ATP5PB: variants seen among roughly 807,000 people sequenced by gnomAD.
ATP5PB encodes the protein ATP synthase peripheral stalk-membrane subunit b.
A neutral mutation model predicts 34.5 loss-of-function variants in ATP5PB; 21 were observed. That is an observed-to-expected ratio of 0.61 (90% CI 0.43 to 0.88). The LOEUF (loss-of-function observed/expected upper bound fraction) is 0.88. Ranked by LOEUF, ATP5PB falls within the 40% of genes least tolerant of loss-of-function variation. ATP5PB has a pLI of 0.00. For synonymous variants in ATP5PB, 108 were observed against 114.1 expected (o/e 0.95, Z 0.34); for missense variants, 293 against 317.4 (o/e 0.92, Z 0.58).
In ATP5PB at chr1:111,461,118, A is replaced by G. The variant is rs1352803180; in HGVS notation, c.*124A>G. Reference sequence around the variant, plus strand: ...TATAGTTTACCCTTCCTAAAAATGAAAAGTTTGTTTCATATAGTGAGAGAA... The same window carrying G: ...TATAGTTTACCCTTCCTAAAAATGAGAAGTTTGTTTCATATAGTGAGAGAA... On this transcript the variant is annotated 3_prime_UTR_variant, in exon 7 of 7. Transcript: ENST00000369722. 6 of 893,252 alleles carry G rather than the reference A, an allele frequency of 6.7e-6. No individual in the cohort carries two copies. Among genetic ancestry groups the G allele is most frequent in the African/African-American group, 1.7e-5 (1 of 58,734 alleles). 55.3% of individuals were successfully genotyped at this position (893,252 alleles called of 1,614,324 possible).
chr1:111,452,119 C>CA (rs112587127), intron 2 of ATP5PB, among the ~76,000 whole-genome samples: 2,372 of 109,516 alleles, frequency 0.022, 22 homozygotes, highest in Admixed American at 0.031. Flanking sequence ...GACTTTGTCT[C>CA]AAAAAAAAAA....
chr1:111,453,881 CT>C (rs1270081730), intron 2 of ATP5PB, among the ~76,000 whole-genome samples: 2 of 152,326 alleles, frequency 1.3e-5, no homozygotes, highest in East Asian at 3.9e-4. Context: ...AGGATTTGAA[CT>C]CAAGATGCCT....
Position 111,460,948 on chromosome 1 carries a change from A to AC in ATP5PB, c.727dup (p.Leu243ProfsTer28). 6.2e-7 allele frequency: 1 copy of AC among 1,613,326 alleles called. No homozygotes were observed. The highest frequency in any genetic ancestry group is 8.5e-7 in the Non-Finnish European group (1 of 1,179,806). On this transcript the variant is annotated frameshift_variant, in exon 7 of 7. Coordinates refer to ENST00000369722, the MANE Select transcript of ATP5PB (RefSeq NM_001688.5). LOFTEE classifies it high-confidence loss of function. The stretch of plus-strand genomic sequence containing the variant: ...GAGACAATTGCCAAGTGCATTGCGG[A>AC]CCTAAAGCTGCTGGCAAAGAAGGCT...
At chr1:111,456,344 A>G in intron 4 of ATP5PB, 95 bp downstream of exon 4, 3 of 1,289,718 alleles carry the variant, frequency 2.3e-6, no homozygotes, top group Non-Finnish European at 1.0e-6. Flanking sequence ...GGAGCAACAT[A>G]TAGAAATGAA....
rs541108521 is a variant in ATP5PB, at chr1:111,462,201, G to A, written c.*1207G>A. Reference sequence around the variant, plus strand: ...GCTAAAACATAGAAGCAGCCCAATCGGCCATCAGTAGATGAATGGATAAGC... The same window carrying A: ...GCTAAAACATAGAAGCAGCCCAATCAGCCATCAGTAGATGAATGGATAAGC... On this transcript the variant is annotated 3_prime_UTR_variant, in exon 7 of 7. Transcript: ENST00000369722. 3 of 152,270 alleles carry A rather than the reference G, an allele frequency of 2.0e-5. No homozygotes were observed. The highest frequency in any genetic ancestry group is 6.5e-5 in the Admixed American group (1 of 15,306). 9.4% of individuals were successfully genotyped at this position (152,270 alleles called of 1,614,324 possible).
At chr1:111,449,733 G>A (rs1248902212) in intron 1 of ATP5PB, 104 bp from the exon 2 acceptor site, 1 of 1,582,488 alleles carries the variant, frequency 6.3e-7, no homozygotes, top group South Asian at 1.1e-5. Flanking sequence ...TTGAGGGACG[G>A]GAAAGAGGGG....
chr1:111,451,511 G>C (rs1019213301), intron 2 of ATP5PB, among the ~76,000 whole-genome samples: 1 of 152,174 alleles, frequency 6.6e-6, no homozygotes, highest in Non-Finnish European at 1.5e-5. Context: ...TTGAAGGCTG[G>C]AGCTTTGTTC....
chr1:111,457,340 C>A (rs1470673216), intron 5 of ATP5PB, among the ~76,000 whole-genome samples: 3 of 151,826 alleles, frequency 2.0e-5, no homozygotes, highest in Admixed American at 6.5e-5. Context: ...CACACACACA[C>A]AAACAACAAA....
At chr1:111,459,323 C>T (rs1653554850) in intron 5 of ATP5PB, 134 bp from the exon 6 acceptor site, 2 of 796,668 alleles carry the variant, frequency 2.5e-6, no homozygotes, top group African/African-American at 1.8e-5. Context: ...TTTCTAGGTA[C>T]ATATTACCTA....
At chr1:111,457,312 A>ACACACACAC (rs1653500621) in intron 5 of ATP5PB, among the ~76,000 whole-genome samples, 2 of 146,718 alleles carry the variant, frequency 1.4e-5, no homozygotes, top group African/African-American at 5.1e-5. Flanking sequence ...GACTCTCTCA[A>ACACACACAC]ACACACACAC....
chr1:111,461,431 T>G lies in ATP5PB; in HGVS notation c.*437T>G, dbSNP rs1369479351. 6.0e-6 allele frequency: 1 copy of G among 167,508 alleles called. No individual in the cohort carries two copies. Among genetic ancestry groups the G allele is most frequent in the Non-Finnish European group, 1.3e-5 (1 of 77,062 alleles). 10.4% of individuals were successfully genotyped at this position (167,508 alleles called of 1,614,324 possible). On this transcript the variant is annotated 3_prime_UTR_variant, in exon 7 of 7. Coordinates refer to ENST00000369722, the MANE Select transcript of ATP5PB (RefSeq NM_001688.5). The stretch of plus-strand genomic sequence containing the variant: ...AACTACTGTCTTGTTTATGAGACCA[T>G]TCAGTGGTGAACTGTTTCTGGCTGA...
chr1:111,455,669 G>C (rs542182290), intron 3 of ATP5PB, among the ~76,000 whole-genome samples: 1 of 152,068 alleles, frequency 6.6e-6, no homozygotes, highest in South Asian at 2.1e-4. Flanking sequence ...AATTTTATCC[G>C]GTCTAGTGTC....
intron 4 of ATP5PB, 58 bp downstream of exon 4, chr1:111,456,307 A>C: frequency 6.8e-7 from 1 of 1,469,274 alleles, no homozygotes; most frequent in Non-Finnish European, 9.1e-7. Context: ...AAGGTCATCT[A>C]GTGATATTTT....
At chr1:111,460,490 T>G (rs1653590559) in intron 6 of ATP5PB, among the ~76,000 whole-genome samples, 1 of 151,828 alleles carries the variant, frequency 6.6e-6, no homozygotes, top group Non-Finnish European at 1.5e-5. Flanking sequence ...TATGCTTACT[T>G]AAGAAACTTA....
rs1227055234 is a variant in ATP5PB at position 111,461,892 on chromosome 1, C to T, written c.*898C>T. On this transcript the variant is annotated 3_prime_UTR_variant, in exon 7 of 7. Transcript: ENST00000369722. ...CTCCAGCCTGGGCAACAGACCTCGA[C>T]TCCATCTAGAAAAAAAAAAAAAAAA... The T allele has an allele frequency of 1.4e-5, 2 of 143,554 alleles. No individual in the cohort carries two copies. Among genetic ancestry groups the T allele is most frequent in the Non-Finnish European group, 3.0e-5 (2 of 65,750 alleles). 8.9% of individuals were successfully genotyped at this position (143,554 alleles called of 1,614,324 possible). A position where few individuals can be genotyped will look rare whatever the true frequency, so the allele number is the denominator to read the frequency against.
Position 111,462,314 on chromosome 1 carries a change from G to A in ATP5PB, c.*1320G>A, listed in dbSNP as rs1419036769. 6.6e-6 allele frequency: 1 copy of A among 152,212 alleles called. No individual in the cohort carries two copies. The highest frequency in any genetic ancestry group is 2.1e-4 in the South Asian group (1 of 4,828). 9.4% of individuals were successfully genotyped at this position (152,212 alleles called of 1,614,324 possible). A position where few individuals can be genotyped will look rare whatever the true frequency, so the allele number is the denominator to read the frequency against. On this transcript the variant is annotated 3_prime_UTR_variant, in exon 7 of 7. Transcript: ENST00000369722. ...GGCTACAGCATGAATGAACCTTGAG[G>A]ACGTTATGCAGTTTTACAGGATGAG...
At position 111,460,925 on chromosome 1, in the gene ATP5PB, G is replaced by A. The variant is rs776244761; in HGVS notation, c.702G>A (p.Glu234=). The A allele has an allele frequency of 5.6e-6, 9 of 1,613,616 alleles. No homozygotes were observed. In the South Asian group the frequency reaches 8.8e-5, roughly 16 times the overall value. ...CTCTTTCCTTATCACAGGAAAAGGA[G>A]ACAATTGCCAAGTGCATTGCGGACC... The part of the protein sequence containing the change: ...VQSISTQQEK[E]TIAKCIADLK... The change falls in exon 7 of 7, where the codon GAG becomes GAA. Residue 234 remains glutamate, a synonymous_variant. Coordinates refer to ENST00000369722, the MANE Select transcript of ATP5PB (RefSeq NM_001688.5).
chr1:111,451,234 G>A (rs1408139058), intron 2 of ATP5PB, among the ~76,000 whole-genome samples: 2 of 152,164 alleles, frequency 1.3e-5, no homozygotes, highest in East Asian at 3.9e-4. Flanking sequence ...CCATCTCCTT[G>A]TGGTCTCTTT....
rs144353716 is a variant in ATP5PB at position 111,451,483 on chromosome 1, CA to C, written c.77+1611del. Among the ~76,000 whole-genome samples the C allele has an allele frequency of 9.4e-3, 1,439 of 152,300 alleles. 19 individuals carry two copies. The highest frequency in any genetic ancestry group is 0.033 in the African/African-American group (1,383 of 41,564). ...TATGGAGATACACACTCACCCTTCC[CA>C]TACCCCCACTAGAATGTTGAAGGCT... On this transcript the variant is annotated intron_variant, in intron 2 of 6. Transcript: ENST00000369722.
Sources: allele counts gnomAD v4.1 joint callset (sites outside exome capture counted in the v4.1 genomes callset), GRCh38; gene constraint gnomAD v4.1.1; transcripts MANE v1.5; gene names NCBI Gene and HGNC (gene_info 2026-07-23, HGNC 2026-07-21).